Variants in RTL4 observed in about 807,000 individuals in gnomAD.
RTL4 encodes the protein retrotransposon Gag-like protein 4.
A neutral mutation model predicts 5.3 loss-of-function variants in RTL4; 4 were observed. That is an observed-to-expected ratio of 0.75 (90% CI 0.37 to 1.72). The LOEUF (loss-of-function observed/expected upper bound fraction) is 1.72, where lower values mean the gene tolerates loss of function less well. RTL4 is among the 40% of genes most tolerant of loss of function. The pLI, the probability that RTL4 is intolerant of heterozygous loss-of-function variation, is 0.04. For missense variants in RTL4, 260 were observed against 227.1 expected (o/e 1.14, Z -0.93); for synonymous variants, 98 against 87.3 (o/e 1.12, Z -0.68).
the RTL4 span, among the ~76,000 whole-genome samples, chrX:112,353,193 G>A: frequency 3.9e-4 from 44 of 111,761 alleles, no homozygotes; most frequent in South Asian, 0.015. Flanking sequence ...ACAGGTGCTG[G>A]AGAGGATGTG....
the RTL4 span, among the ~76,000 whole-genome samples, chrX:112,234,632 C>G: frequency 2.7e-5 from 3 of 111,975 alleles, no homozygotes; most frequent in Non-Finnish European, 5.6e-5. Flanking sequence ...CCCACCCGCC[C>G]ACCTGTACGT....
At chrX:112,345,121 A>G in the RTL4 span, among the ~76,000 whole-genome samples, 1 of 111,245 alleles carries the variant, frequency 9.0e-6, no homozygotes, top group Non-Finnish European at 1.9e-5. Flanking sequence ...TCACCATGCA[A>G]GGGGTGGTCT....
At chrX:112,270,718 G>A in the RTL4 span, among the ~76,000 whole-genome samples, 1 of 111,230 alleles carries the variant, frequency 9.0e-6, no homozygotes, top group African/African-American at 3.3e-5. Context: ...GAGGTGGCAT[G>A]ATGATGCTTG....
chrX:112,152,259 C>T, the RTL4 span, among the ~76,000 whole-genome samples: 9,097 of 111,402 alleles, frequency 0.082, 905 homozygotes, highest in African/African-American at 0.28. Context: ...CAACATTCTA[C>T]GACTTGAAAT....
At chrX:112,220,815 T>C in the RTL4 span, among the ~76,000 whole-genome samples, 3 of 111,934 alleles carry the variant, frequency 2.7e-5, 1 homozygote, top group African/African-American at 9.7e-5. Flanking sequence ...TGAGATCGCC[T>C]CAGCCTAGAC....
At chrX:112,319,369 A>G in the RTL4 span, among the ~76,000 whole-genome samples, 16 of 111,965 alleles carry the variant, frequency 1.4e-4, no homozygotes, top group South Asian at 5.6e-3. Context: ...AAGAGCATAG[A>G]CAAGGTTAAT....
chrX:112,430,842 C>T, the RTL4 span, among the ~76,000 whole-genome samples: 1 of 112,283 alleles, frequency 8.9e-6, no homozygotes, highest in African/African-American at 3.2e-5. Flanking sequence ...ATCCACCTGC[C>T]TCAACCTCCC....
the RTL4 span, among the ~76,000 whole-genome samples, chrX:112,092,197 A>T: frequency 1.8e-5 from 2 of 111,715 alleles, no homozygotes; most frequent in African/African-American, 6.5e-5. Context: ...GGACAGTTTA[A>T]TCAATTTATG....
chrX:112,221,506 T>C, the RTL4 span, among the ~76,000 whole-genome samples: 1 of 112,050 alleles, frequency 8.9e-6, no homozygotes, highest in Non-Finnish European at 1.9e-5. Flanking sequence ...TCAGCCAAGC[T>C]CTTTCCAAAT....
At chrX:112,172,664 C>A in the RTL4 span, among the ~76,000 whole-genome samples, 1 of 110,990 alleles carries the variant, frequency 9.0e-6, no homozygotes, top group East Asian at 2.8e-4. Flanking sequence ...TGGGTATAGA[C>A]CCCAAGAAAT....
the RTL4 span, among the ~76,000 whole-genome samples, chrX:112,197,612 C>CT: frequency 5.4e-5 from 6 of 110,700 alleles, no homozygotes; most frequent in East Asian, 2.9e-4. Context: ...TTTGGAGGGC[C>CT]TTTTTTTTAT....
At chrX:112,129,649 G>A in the RTL4 span, among the ~76,000 whole-genome samples, 1 of 111,944 alleles carries the variant, frequency 8.9e-6, no homozygotes, top group Non-Finnish European at 1.9e-5. Context: ...ACTTGCAGTT[G>A]TATCCATTAT....
chrX:112,243,375 C>A, the RTL4 span, among the ~76,000 whole-genome samples: 1 of 110,972 alleles, frequency 9.0e-6, no homozygotes, highest in Non-Finnish European at 1.9e-5. Flanking sequence ...AATTTCAGAG[C>A]CTATTATTGG....
the RTL4 span, among the ~76,000 whole-genome samples, chrX:112,253,848 C>T: frequency 8.9e-6 from 1 of 111,760 alleles, no homozygotes; most frequent in Admixed American, 9.5e-5. Context: ...TTCCTCATCC[C>T]CTAGGCTTAA....
At chrX:112,263,200 TAA>T in the RTL4 span, among the ~76,000 whole-genome samples, 3 of 86,516 alleles carry the variant, frequency 3.5e-5, no homozygotes, top group East Asian at 3.6e-4. Flanking sequence ...ACTTAAAGTA[TAA>T]AAAAAAAAAA....
At chrX:112,419,337 C>CTTTTTTT in the RTL4 span, among the ~76,000 whole-genome samples, 32 of 24,392 alleles carry the variant, frequency 1.3e-3, 6 homozygotes, top group Non-Finnish European at 1.5e-3. Flanking sequence ...TTCCATTCAG[C>CTTTTTTT]TTTTTTTTTT....
At chrX:112,278,922 A>C in the RTL4 span, among the ~76,000 whole-genome samples, 28 of 112,089 alleles carry the variant, frequency 2.5e-4, no homozygotes, top group African/African-American at 9.0e-4. Context: ...AGAAGAAAAC[A>C]ACATTTAGAG....
the RTL4 span, among the ~76,000 whole-genome samples, chrX:112,141,520 T>C: frequency 3.6e-5 from 4 of 112,050 alleles, no homozygotes; most frequent in African/African-American, 1.3e-4. Flanking sequence ...ATGTCTACAG[T>C]GTAAGCTTTC....
At chrX:112,198,861 A>G in the RTL4 span, among the ~76,000 whole-genome samples, 1 of 111,269 alleles carries the variant, frequency 9.0e-6, no homozygotes, top group Non-Finnish European at 1.9e-5. Context: ...ATAGCTGTAC[A>G]TAACCTCTAA....
Sources: allele counts gnomAD v4.1 joint callset (sites outside exome capture counted in the v4.1 genomes callset), GRCh38; gene constraint gnomAD v4.1.1; transcripts MANE v1.5; gene names NCBI Gene and HGNC (gene_info 2026-07-23, HGNC 2026-07-21).